The following IL4I1 variants were observed in gnomAD, a reference collection of about 807,000 sequenced individuals.
IL4I1 encodes the protein L-amino-acid oxidase.
In IL4I1, 24 loss-of-function variants were observed where a neutral mutation model predicts 29.7. That is an observed-to-expected ratio of 0.81 (90% confidence interval 0.59 to 1.14). The LOEUF is 1.14. IL4I1 is among the 50% of genes most tolerant of loss of function. The pLI, the probability that IL4I1 is intolerant of heterozygous loss-of-function variation, is 0.00. For missense variants in IL4I1, 686 were observed against 785.6 expected, an observed-to-expected ratio of 0.87 and a Z score of 1.52; for synonymous variants, 371 against 352.5, an observed-to-expected ratio of 1.05 and a Z score of -0.59.
At chr19:49,916,938 C>T (rs993250368) in intron 2 of IL4I1, among the ~76,000 whole-genome samples, 1 of 152,208 alleles carries the variant, frequency 6.6e-6, no homozygotes, top group Non-Finnish European at 1.5e-5. Flanking sequence ...TAAAAAAGTT[C>T]TGGGAGGCAC....
chr19:49,907,298 A>T (rs760040332), intron 2 of IL4I1: 2 of 296,976 alleles, frequency 6.7e-6, no homozygotes, highest in Non-Finnish European at 1.3e-5. Context: ...TTCCTGGAGG[A>T]GGTGAGGCCC....
chr19:49,909,206 CCTGCTGTGGTGG>C, intron 2 of IL4I1: 1 of 1,614,088 alleles, frequency 6.2e-7, no homozygotes, highest in Non-Finnish European at 8.5e-7. Context: ...CTGTGTGGCA[CCTGCTGTGGTGG>C]CTGCTGGCGT....
chr19:49,907,091 A>C (rs1288781059), intron 2 of IL4I1: 1 of 156,512 alleles, frequency 6.4e-6, no homozygotes, highest in African/African-American at 2.4e-5. Context: ...TTCATTTAAC[A>C]AATGTGACAG....
chr19:49,900,407 T>G (rs28679454), upstream of IL4I1, among the ~76,000 whole-genome samples: 11,325 of 152,056 alleles, frequency 0.074, 888 homozygotes, highest in East Asian at 0.29. Flanking sequence ...TGCCTCAGCC[T>G]CCCCAGTAGC....
rs200338964 is a variant in IL4I1 at position 49,908,981 on chromosome 19, G to A, written c.-227-4660C>T. ...GCTGCTGGTGGTGGTGGCGGTGGCG[G>A]TGGCAGCGGTGGATGTTGTTGTGGA... On this transcript the variant is annotated intron_variant, in intron 2 of 9. Coordinates refer to the IL4I1 transcript ENST00000341114. 9 of 1,609,188 alleles carry A rather than the reference G, an allele frequency of 5.6e-6. No individual in the cohort carries two copies. In the East Asian group the frequency reaches 1.1e-4, roughly 20 times the overall value.
At position 49,890,288 on chromosome 19, in the gene IL4I1, G is replaced by A. The variant is rs761305077; in HGVS notation, c.1086C>T (p.Pro362=). The A allele has an allele frequency of 3.7e-6, 6 of 1,600,166 alleles. No homozygotes were observed. Among genetic ancestry groups the A allele is most frequent in the Non-Finnish European group, 4.3e-6 (5 of 1,174,368 alleles). ...ATKVFLSFRR[P]FWREEHIEGG... Reference sequence around the variant, plus strand: ...CTTCAATGTGCTCCTCGCGCCAGAAGGGCCTGCGGAAGCTTAGGAACACCT... The same window carrying A: ...CTTCAATGTGCTCCTCGCGCCAGAAAGGCCTGCGGAAGCTTAGGAACACCT... Residue 362 remains proline, a synonymous_variant, in exon 8 of 8, where the codon CCC becomes CCT. Transcript: ENST00000391826.
At chr19:49,910,196 G>A (rs2075428535) in intron 2 of IL4I1, among the ~76,000 whole-genome samples, 1 of 152,078 alleles carries the variant, frequency 6.6e-6, no homozygotes, top group Non-Finnish European at 1.5e-5. Flanking sequence ...TCAGATTTGA[G>A]GCACTGCCAC....
At chr19:49,919,737 T>C (rs886715568) in intron 2 of IL4I1, among the ~76,000 whole-genome samples, 1 of 152,104 alleles carries the variant, frequency 6.6e-6, no homozygotes, top group Non-Finnish European at 1.5e-5. Flanking sequence ...AAGACAACCA[T>C]GGAAAAGTTA....
Position 49,890,991 on chromosome 19 carries a change from G to C in IL4I1, c.753C>G (p.Ser251Arg). 1 of 1,568,448 alleles carries C rather than the reference G, an allele frequency of 6.4e-7. No individual in the cohort carries two copies. The highest frequency in any genetic ancestry group is 1.1e-5 in the South Asian group (1 of 90,134). ...LSFAEALRAH[S>R]CLSDRLQYSR... ...CTTACTGGAGTCTGTCGCTGAGGCA[G>C]CTGTGGGCCCGGAGGGCCTCGGCGA... The change falls in exon 7 of 8, where the codon AGC (serine) becomes AGG (arginine). Residue 251 changes from serine (S) to arginine (R), a missense_variant. Transcript: ENST00000391826.
chr19:49,926,526 T>C (rs1259711562), intron 2 of IL4I1, among the ~76,000 whole-genome samples: 1 of 142,488 alleles, frequency 7.0e-6, no homozygotes, highest in Non-Finnish European at 1.6e-5. Context: ...CAAGACTCTG[T>C]CTCAAAAAAA....
At chr19:49,908,802 G>A (rs781148765) in intron 2 of IL4I1, 2 of 1,613,674 alleles carry the variant, frequency 1.2e-6, no homozygotes, top group Non-Finnish European at 1.7e-6. Context: ...TTGTTGATCA[G>A]GCTCTCCAGC....
In IL4I1 at chr19:49,895,906, T is replaced by A; in HGVS notation, c.161A>T (p.Asn54Ile). The change falls in exon 3 of 8, where the codon AAT (asparagine) becomes ATT (isoleucine). Residue 54 changes from asparagine (N) to isoleucine (I), a missense_variant. Transcript: ENST00000391826. ...QLLKVVTWGL[N>I]RTLKPQRVIV... is the part of the protein sequence containing the mutation. ...CACCCTCTGGGGCTTCAGGGTCCGA[T>A]TGAGCCCCCAGGTCACCACCTTGAG... 3.7e-6 allele frequency: 6 copies of A among 1,614,184 alleles called. No homozygotes were observed. The South Asian group carries it at 6.6e-5, about 18-fold the overall frequency.
At chr19:49,927,020 C>T (rs1019369979) in intron 2 of IL4I1, among the ~76,000 whole-genome samples, 4 of 151,956 alleles carry the variant, frequency 2.6e-5, no homozygotes, top group East Asian at 3.9e-4. Flanking sequence ...CCACCACACC[C>T]GACTATTTTT....
At position 49,909,171 on chromosome 19, in the gene IL4I1, T is replaced by C. The variant is rs558565088; in HGVS notation, c.-227-4850A>G. On this transcript the variant is annotated intron_variant, in intron 2 of 9. Coordinates refer to the IL4I1 transcript ENST00000341114. ...AGGCTGGGCCCAGTGCTGGTGATGGTGGCTGTGGGTGTGGGAGCAGCTGGC... is the reference window on the plus strand; with the variant it reads ...AGGCTGGGCCCAGTGCTGGTGATGGCGGCTGTGGGTGTGGGAGCAGCTGGC... 1.1e-5 allele frequency: 17 copies of C among 1,613,448 alleles called. No individual in the cohort carries two copies. In the African/African-American group the frequency reaches 2.1e-4, roughly 20 times the overall value.
chr19:49,918,900 G>A (rs865872259), intron 2 of IL4I1, among the ~76,000 whole-genome samples: 1,635 of 148,578 alleles, frequency 0.011, 73 homozygotes, highest in African/African-American at 0.039. Flanking sequence ...GAGGCTGGGG[G>A]GGGGGGGGCG....
upstream of IL4I1, chr19:49,901,536 A>G: frequency 4.5e-6 from 3 of 671,958 alleles, no homozygotes; most frequent in Non-Finnish European, 6.8e-6. Flanking sequence ...AGAATTAGTG[A>G]GTCCCCCAAT....
rs773809204 is a variant in IL4I1, at chr19:49,890,935, CGCCCCCCCCCCCT to C, written c.773+23_773+35del. On this transcript the variant is annotated intron_variant, in intron 7 of 7. Transcript: ENST00000391826. Reference sequence around the variant, plus strand: ...CCTGCTACTTTCCCTGATTGCCCCCCGCCCCCCCCCCCTGCCCGCCAGCCCCGCCCCTTACTGG... The same window carrying C: ...CCTGCTACTTTCCCTGATTGCCCCCCGCCCGCCAGCCCCGCCCCTTACTGG... The C allele has an allele frequency of 1.9e-4, 81 of 436,488 alleles. 2 individuals carry two copies. The highest frequency in any genetic ancestry group is 3.0e-4 in the South Asian group (9 of 29,998). 27.0% of individuals were successfully genotyped at this position (436,488 alleles called of 1,614,324 possible).
At chr19:49,891,771 A>C (rs2075143126) in intron 5 of IL4I1, among the ~76,000 whole-genome samples, 1 of 152,218 alleles carries the variant, frequency 6.6e-6, no homozygotes, top group Non-Finnish European at 1.5e-5. Flanking sequence ...TTTTTCAGCC[A>C]GCCAGCCAGA....
intron 2 of IL4I1, chr19:49,907,702 AT>A: frequency 2.9e-6 from 1 of 343,750 alleles, no homozygotes; most frequent in Non-Finnish European, 5.6e-6. Flanking sequence ...CACCTGACTA[AT>A]TTTTGTATTT....
Sources: allele counts gnomAD v4.1 joint callset (sites outside exome capture counted in the v4.1 genomes callset), GRCh38; gene constraint gnomAD v4.1.1; transcripts MANE v1.5; gene names NCBI Gene and HGNC (gene_info 2026-07-23, HGNC 2026-07-21).